The following INPP4B variants were observed in gnomAD, a reference collection of about 807,000 sequenced individuals.
The protein encoded by INPP4B is inositol polyphosphate-4-phosphatase type II B.
INPP4B carries 55 observed loss-of-function variants against 122.5 expected under a neutral mutation model. The observed-to-expected ratio is 0.45, with a 90% CI of 0.36 to 0.56. The LOEUF (loss-of-function observed/expected upper bound fraction) is 0.56, where lower values mean the gene tolerates loss of function less well. Among genes scored for constraint, INPP4B ranks in the 20% least tolerant of loss-of-function variants. The probability of loss-of-function intolerance (pLI) is 0.00; values close to 1 mark genes in which losing one functional copy is unlikely to be tolerated. For missense variants in INPP4B, 1,000 were observed against 1,097.7 expected (o/e 0.91, Z 1.26); for synonymous variants, 403 against 388.7 (o/e 1.04, Z -0.43).
chr4:142,675,517 A>G (rs1470342229), intron 2 of INPP4B, among the ~76,000 whole-genome samples: 1 of 152,146 alleles, frequency 6.6e-6, no homozygotes, highest in Non-Finnish European at 1.5e-5. Flanking sequence ...TTATCCTGAT[A>G]CCAAAATCTG....
chr4:142,686,232 T>A (rs925724294), intron 2 of INPP4B, among the ~76,000 whole-genome samples: 1 of 152,048 alleles, frequency 6.6e-6, no homozygotes, highest in African/African-American at 2.4e-5. Flanking sequence ...AAAGTGAAAG[T>A]TAAGACAAGC....
At chr4:142,525,097 G>C (rs1218292819) in intron 2 of INPP4B, among the ~76,000 whole-genome samples, 2 of 149,886 alleles carry the variant, frequency 1.3e-5, no homozygotes, top group Non-Finnish European at 3.0e-5. Context: ...ACCAATAACA[G>C]ACAAACAGAG....
intron 8 of INPP4B, among the ~76,000 whole-genome samples, chr4:142,308,354 T>C (rs1457957073): frequency 6.6e-6 from 1 of 152,062 alleles, no homozygotes; most frequent in African/African-American, 2.4e-5. Flanking sequence ...ACCAATGCTA[T>C]CCTTTTTTTA....
intron 2 of INPP4B, among the ~76,000 whole-genome samples, chr4:142,477,977 A>T (rs28861843): frequency 6.6e-6 from 1 of 151,990 alleles, no homozygotes; most frequent in South Asian, 2.1e-4. Flanking sequence ...TAATATTTGT[A>T]TTTTCAGTAG....
At chr4:142,365,054 G>A (rs2148608521) in intron 7 of INPP4B, among the ~76,000 whole-genome samples, 1 of 152,150 alleles carries the variant, frequency 6.6e-6, no homozygotes, top group African/African-American at 2.4e-5. Context: ...ACTTCCCCAT[G>A]GATCAAGGGA....
chr4:142,343,569 G>T (rs985332219), intron 7 of INPP4B, among the ~76,000 whole-genome samples: 1 of 151,644 alleles, frequency 6.6e-6, no homozygotes, highest in Non-Finnish European at 1.5e-5. Flanking sequence ...AATTTTGCCT[G>T]TTTTTTCTTT....
At chr4:142,717,737 T>C (rs1217309581) in intron 2 of INPP4B, among the ~76,000 whole-genome samples, 1 of 151,372 alleles carries the variant, frequency 6.6e-6, no homozygotes, top group African/African-American at 2.4e-5. Flanking sequence ...CCGGGGCCTG[T>C]CGTGGGGTGG....
rs879807330 is a variant in INPP4B at position 142,365,811 on chromosome 4, A to AT, written c.372+37126dup. Among the ~76,000 whole-genome samples, 9 of 151,946 alleles carry AT rather than the reference A, an allele frequency of 5.9e-5. No individual in the cohort carries two copies. In the East Asian group the frequency reaches 9.7e-4, roughly 16 times the overall value. Reference sequence around the variant, plus strand: ...TTATTGATGCCAGTCAAAATAACCAATTTTTTTCCCTCACTTACTCAGGGT... The same window carrying AT: ...TTATTGATGCCAGTCAAAATAACCAATTTTTTTTCCCTCACTTACTCAGGGT... On this transcript the variant is annotated intron_variant, in intron 7 of 25. Coordinates refer to ENST00000262992, the MANE Select transcript of INPP4B (RefSeq NM_001101669.3).
chr4:142,533,393 T>G (rs1217432568), intron 2 of INPP4B, among the ~76,000 whole-genome samples: 2 of 152,130 alleles, frequency 1.3e-5, no homozygotes, highest in Non-Finnish European at 2.9e-5. Context: ...CAATAAGCTC[T>G]CAACCACTTC....
At chr4:142,379,584 CTG>C (rs1429847818) in intron 7 of INPP4B, among the ~76,000 whole-genome samples, 1 of 152,162 alleles carries the variant, frequency 6.6e-6, no homozygotes, top group Non-Finnish European at 1.5e-5. Context: ...CAAGGAAAGC[CTG>C]TGTTTCTTTA....
Position 142,398,445 on chromosome 4 carries a change from T to TA in INPP4B, c.372+4492dup, listed in dbSNP as rs1554048511. ...ATATATATATATATATATATATATATAAAACATATTAAACATAGTGCTTGG... is the reference window on the plus strand; with the variant it reads ...ATATATATATATATATATATATATATAAAAACATATTAAACATAGTGCTTGG... On this transcript the variant is annotated intron_variant, in intron 7 of 25. Coordinates refer to ENST00000262992, the MANE Select transcript of INPP4B (RefSeq NM_001101669.3). Among the ~76,000 whole-genome samples the TA allele has an allele frequency of 3.5e-3, 258 of 74,444 alleles. 2 individuals are homozygous for TA. Among genetic ancestry groups the TA allele is most frequent in the East Asian group, 5.4e-3 (12 of 2,238 alleles). The allele number at this position is 74,444 out of a possible 152,430, so 48.8% of individuals were successfully genotyped here.
intron 23 of INPP4B, among the ~76,000 whole-genome samples, chr4:142,091,296 T>C: frequency 6.6e-6 from 1 of 152,196 alleles, no homozygotes. Context: ...ATGCCAATTC[T>C]ACTGCTGCTT....
chr4:142,483,211 C>CTTTTTTTTTTTTTTTTT (rs1820792876), intron 2 of INPP4B, among the ~76,000 whole-genome samples: 1 of 48,080 alleles, frequency 2.1e-5, no homozygotes, highest in African/African-American at 1.3e-4. Context: ...TTTTTTTTTG[C>CTTTTTTTTTTTTTTTTT]ATTCAATAGG....
At chr4:142,311,187 G>A (rs926174355) in intron 8 of INPP4B, among the ~76,000 whole-genome samples, 7 of 152,110 alleles carry the variant, frequency 4.6e-5, no homozygotes, top group Non-Finnish European at 8.8e-5. Context: ...TTGAGGATTC[G>A]CTGATAGGAT....
intron 20 of INPP4B, among the ~76,000 whole-genome samples, chr4:142,122,838 T>C (rs1797117574): frequency 1.3e-5 from 2 of 152,126 alleles, no homozygotes; most frequent in South Asian, 2.1e-4. Flanking sequence ...TAAATTAATA[T>C]GAAATTATTA....
chr4:142,651,979 C>T (rs566151816), intron 2 of INPP4B, among the ~76,000 whole-genome samples: 265 of 152,296 alleles, frequency 1.7e-3, no homozygotes, highest in African/African-American at 5.8e-3. Flanking sequence ...CAATAAAATA[C>T]TGGCAAACTC....
Position 142,028,825 on chromosome 4 carries a change from T to A in INPP4B, c.2732A>T (p.Tyr911Phe). 1 of 1,613,618 alleles carries A rather than the reference T, an allele frequency of 6.2e-7. No individual in the cohort carries two copies. Among genetic ancestry groups the A allele is most frequent in the Non-Finnish European group, 8.5e-7 (1 of 1,179,670 alleles). ...ATAAGTCCCCTCTGGAGGTCTGTAG[T>A]ACTTGGGGAAAGCCATCAGCTGTAG... ...NMLQLMAFPK[Y>F]YRPPEGTYGK... The change falls in exon 26 of 26, where the codon TAC (tyrosine) becomes TTC (phenylalanine). Residue 911 changes from tyrosine (Y) to phenylalanine (F), a missense_variant. Transcript: ENST00000262992.
At chr4:142,430,329 G>GT (rs1562082665) in intron 4 of INPP4B, among the ~76,000 whole-genome samples, 1 of 151,820 alleles carries the variant, frequency 6.6e-6, no homozygotes, top group Non-Finnish European at 1.5e-5. Context: ...AAATGTCTGC[G>GT]TTTTTTTAAA....
intron 23 of INPP4B, among the ~76,000 whole-genome samples, chr4:142,092,502 G>GCTGGT (rs1443567085): frequency 6.6e-6 from 1 of 152,004 alleles, no homozygotes; most frequent in East Asian, 1.9e-4. Context: ...TGTTGGCTGG[G>GCTGGT]CTGGTCTCAA....
Sources: gnomAD v4.1 joint callset for allele counts (sites outside exome capture counted in the v4.1 genomes callset) on GRCh38, gnomAD v4.1.1 for gene constraint, MANE v1.5 for transcripts, NCBI Gene and HGNC (gene_info 2026-07-23, HGNC 2026-07-21) for gene names.